Variants in NRXN3 observed in about 807,000 individuals in gnomAD.
NRXN3 encodes the protein neurexin 3.
NRXN3 carries 32 observed loss-of-function variants against 137.6 expected under a neutral mutation model. The observed-to-expected ratio is 0.23, with a 90% CI of 0.18 to 0.31. The LOEUF (loss-of-function observed/expected upper bound fraction) is 0.31. Ranked by LOEUF, NRXN3 falls within the 10% of genes least tolerant of loss-of-function variation. NRXN3 has a pLI of 1.00. For synonymous variants in NRXN3, 798 were observed against 784.5 expected (o/e 1.02, Z -0.29); for missense variants, 1,574 against 2,062.5 (o/e 0.76, Z 4.59).
intron 5 of NRXN3, chr14:78,649,336 T>C: frequency 1.6e-6 from 2 of 1,276,568 alleles, no homozygotes; most frequent in Non-Finnish European, 2.1e-6. Flanking sequence ...TTATTGTCTC[T>C]TTTTTTGGGT....
chr14:78,209,169 G>T (rs540306187), intron 1 of NRXN3, among the ~76,000 whole-genome samples: 22 of 152,292 alleles, frequency 1.4e-4, no homozygotes, highest in Non-Finnish European at 2.5e-4. Context: ...AAGGTGTGAA[G>T]GCTTGCTTGG....
chr14:78,827,889 G>A (rs1215511850), intron 10 of NRXN3, among the ~76,000 whole-genome samples: 1 of 152,180 alleles, frequency 6.6e-6, no homozygotes, highest in East Asian at 1.9e-4. Context: ...AGAACACTTT[G>A]TTCTATTTAA....
At chr14:78,877,261 T>C (rs533258753) in intron 10 of NRXN3, among the ~76,000 whole-genome samples, 76 of 152,308 alleles carry the variant, frequency 5.0e-4, no homozygotes, top group Non-Finnish European at 8.8e-4. Flanking sequence ...CGGATGAAGG[T>C]ATATAGCAAA....
chr14:78,998,826 A>G (rs2099535737), intron 15 of NRXN3, among the ~76,000 whole-genome samples: 1 of 143,818 alleles, frequency 7.0e-6, no homozygotes, highest in Admixed American at 7.0e-5. Context: ...CTGGTCTTGA[A>G]CTCCTGTCCT....
rs547828606 is a variant in NRXN3 at position 78,441,957 on chromosome 14, G to A, written c.757+144097G>A. ...TAAAAATACAAAAAATTAGCCAGGC[G>A]TGGTGGCGGGGACCTGTAGTCCCAG... On this transcript the variant is annotated intron_variant, in intron 4 of 20. Transcript: ENST00000335750. 3.0e-3 allele frequency among the ~76,000 whole-genome samples: 462 copies of A among 152,104 alleles called. 4 individuals are homozygous for A. Among genetic ancestry groups the A allele is most frequent in the African/African-American group, 0.011 (447 of 41,506 alleles).
intron 20 of NRXN3, among the ~76,000 whole-genome samples, chr14:79,819,151 G>A (rs527572773): frequency 5.3e-5 from 8 of 152,280 alleles, no homozygotes; most frequent in African/African-American, 1.9e-4. Context: ...GGGCTGGGGT[G>A]TAAGTATTTT....
intron 4 of NRXN3, among the ~76,000 whole-genome samples, chr14:78,461,943 A>G (rs1397014219): frequency 6.6e-6 from 1 of 152,220 alleles, no homozygotes; most frequent in African/African-American, 2.4e-5. Context: ...TTGAGCAGGC[A>G]GTGCTTTGGG....
intron 4 of NRXN3, among the ~76,000 whole-genome samples, chr14:78,410,905 A>G (rs1025063263): frequency 2.0e-5 from 3 of 152,336 alleles, no homozygotes; most frequent in Middle Eastern, 6.8e-3. Flanking sequence ...ACTTCTTGTC[A>G]GTGATTTCTT....
At chr14:79,453,357 G>A (rs1031410607) in intron 15 of NRXN3, among the ~76,000 whole-genome samples, 7 of 151,822 alleles carry the variant, frequency 4.6e-5, no homozygotes, top group Non-Finnish European at 8.8e-5. Context: ...ATATAATATA[G>A]AGAGAGGTTC....
intron 4 of NRXN3, among the ~76,000 whole-genome samples, chr14:78,640,324 A>T (rs966452256): frequency 4.6e-5 from 7 of 152,214 alleles, no homozygotes; most frequent in Non-Finnish European, 7.3e-5. Flanking sequence ...TACAGGTTGA[A>T]TCCTTCTATC....
intron 15 of NRXN3, among the ~76,000 whole-genome samples, chr14:79,296,371 G>A (rs2084124509): frequency 6.6e-6 from 1 of 151,770 alleles, no homozygotes; most frequent in South Asian, 2.1e-4. Context: ...GTGCTTCATA[G>A]CAGAAATAAA....
At chr14:79,675,042 A>G (rs10150436) in intron 17 of NRXN3, among the ~76,000 whole-genome samples, 25,964 of 151,830 alleles carry the variant, frequency 0.17, 2,808 homozygotes, top group African/African-American at 0.31. Flanking sequence ...AAGGGGTCCT[A>G]TTATTATTAT....
At chr14:79,471,451 AT>A (rs2096506603) in intron 16 of NRXN3, among the ~76,000 whole-genome samples, 1 of 152,078 alleles carries the variant, frequency 6.6e-6, no homozygotes, top group African/African-American at 2.4e-5. Flanking sequence ...ACGTGCTCCA[AT>A]TTTCCCATTT....
At chr14:78,941,521 G>C (rs567434163) in intron 10 of NRXN3, among the ~76,000 whole-genome samples, 1 of 152,204 alleles carries the variant, frequency 6.6e-6, no homozygotes, top group South Asian at 2.1e-4. Context: ...CTTCACATCT[G>C]CTCCCTCAGA....
At chr14:78,820,902 T>A (rs1392520001) in intron 10 of NRXN3, among the ~76,000 whole-genome samples, 1 of 152,174 alleles carries the variant, frequency 6.6e-6, no homozygotes, top group African/African-American at 2.4e-5. Context: ...GATCCTCCAA[T>A]AGGCCTGCTG....
intron 15 of NRXN3, among the ~76,000 whole-genome samples, chr14:79,110,794 A>ATTTT (rs869196616): frequency 5.5e-5 from 8 of 145,986 alleles, no homozygotes; most frequent in African/African-American, 2.1e-4. Context: ...TTATTTATTT[A>ATTTT]TTTTTTTATT....
At chr14:78,285,078 G>A (rs57623486) in intron 3 of NRXN3, among the ~76,000 whole-genome samples, 3,083 of 152,236 alleles carry the variant, frequency 0.02, 102 homozygotes, top group African/African-American at 0.069. Context: ...CTGGGCAATA[G>A]GCTTCTTTTC....
intron 10 of NRXN3, among the ~76,000 whole-genome samples, chr14:78,950,476 A>G (rs1184952382): frequency 6.6e-6 from 1 of 152,130 alleles, no homozygotes; most frequent in African/African-American, 2.4e-5. Context: ...CTGTGATCAC[A>G]ATTTAGAGAT....
chr14:78,965,926 T>G, intron 11 of NRXN3, 99 bp from the exon 12 acceptor site: 1 of 1,325,726 alleles, frequency 7.5e-7, no homozygotes, highest in Non-Finnish European at 1.0e-6. Context: ...AAGCTGAATA[T>G]TCTGTGTGGA....
Sources: gnomAD v4.1 joint callset for allele counts (sites outside exome capture counted in the v4.1 genomes callset) on GRCh38, gnomAD v4.1.1 for gene constraint, MANE v1.5 for transcripts, NCBI Gene and HGNC (gene_info 2026-07-23, HGNC 2026-07-21) for gene names.